The following JAK1 variants were observed in gnomAD, a reference collection of about 807,000 sequenced individuals.
JAK1 encodes tyrosine-protein kinase JAK1.
JAK1 carries 16 observed loss-of-function variants against 136.6 expected under a neutral mutation model. The ratio of observed to expected loss-of-function variants is 0.12; its 90% confidence interval spans 0.08 to 0.18. JAK1 has a LOEUF of 0.18. JAK1 is among the 10% of genes least tolerant of loss of function. JAK1 has a pLI of 1.00. For synonymous variants in JAK1, 492 were observed against 519.5 expected (o/e 0.95, Z 0.72); for missense variants, 859 against 1,450.1 (o/e 0.59, Z 6.62).
chr1:64,940,320 C>CTT (rs34933566), intron 1 of JAK1, among the ~76,000 whole-genome samples: 2,311 of 140,344 alleles, frequency 0.016, 62 homozygotes, highest in African/African-American at 0.051. Context: ...ATTTCAATTT[C>CTT]TTTTTTTTTT....
chr1:64,837,798 C>A, intron 22 of JAK1, 134 bp downstream of exon 22: 1 of 643,334 alleles, frequency 1.6e-6, no homozygotes, highest in Non-Finnish European at 2.5e-6. Flanking sequence ...CAATCAATTC[C>A]AAATGTTCTA....
chr1:64,841,547 G>C lies in JAK1; in HGVS notation c.2458C>G (p.Leu820Val), dbSNP rs1270068749. The change falls in exon 18 of 25, where the codon CTG becomes GTG. Residue 820 changes from leucine to valine, a missense_variant. Physicochemically the swap from Leu to Val is conservative, Grantham distance 32. This residue lies in a region of JAK1 where 409 missense variants were observed against 753.8 expected (regional missense o/e 0.54). Coordinates refer to ENST00000342505, the MANE Select transcript of JAK1 (RefSeq NM_002227.4). ...CRPVTPSCKE[L>V]ADLMTRCMNY... Reference sequence around the variant, plus strand: ...ATGCAGCGGGTCATGAGGTCAGCCAGCTCCTTACATGATGGTGTCACTGGC... The same window carrying C: ...ATGCAGCGGGTCATGAGGTCAGCCACCTCCTTACATGATGGTGTCACTGGC... The C allele has an allele frequency of 6.2e-7, 1 of 1,614,178 alleles. No individual in the cohort carries two copies. The highest frequency in any genetic ancestry group is 8.5e-7 in the Non-Finnish European group (1 of 1,180,026).
chr1:64,969,680 G>A (rs1220713221), upstream of JAK1, among the ~76,000 whole-genome samples: 2 of 152,166 alleles, frequency 1.3e-5, no homozygotes, highest in East Asian at 1.9e-4. Context: ...GACAGTGCTT[G>A]GTGACTGATT....
rs753520529 is a variant in JAK1 at position 64,855,585 on chromosome 1, G to A, written c.1572C>T (p.Ser524=). The change falls in exon 11 of 25, where the codon AGC becomes AGT. Residue 524 remains serine, a synonymous_variant. Coordinates refer to ENST00000342505, the MANE Select transcript of JAK1 (RefSeq NM_002227.4). The part of the protein sequence containing the change: ...RSFPSLGDLM[S]HLKKQILRTD... ...TGCGCAGGATCTGCTTCTTGAGGTG[G>A]CTCATGAGGTCTCCCAAGCTGGGGA... 1.9e-6 allele frequency: 3 copies of A among 1,614,026 alleles called. No homozygotes were observed. The African/African-American group carries it at 4.0e-5, about 22-fold the overall frequency.
intron 1 of JAK1, among the ~76,000 whole-genome samples, chr1:64,953,653 A>G (rs1646131191): frequency 1.3e-5 from 2 of 152,042 alleles, no homozygotes; most frequent in Admixed American, 6.6e-5. Flanking sequence ...AACCTAAAAA[A>G]CAAAAAATTT....
At chr1:65,035,065 T>C (rs1447893963) in intron 2 of JAK1, among the ~76,000 whole-genome samples, 17 of 123,998 alleles carry the variant, frequency 1.4e-4, no homozygotes, top group Non-Finnish European at 2.2e-4. Flanking sequence ...TCAAAATAAA[T>C]AAATAAATAA....
intron 1 of JAK1, among the ~76,000 whole-genome samples, chr1:65,046,715 G>T (rs529707840): frequency 1.6e-3 from 247 of 151,716 alleles, no homozygotes; most frequent in Non-Finnish European, 2.4e-3. Flanking sequence ...TGAAATTCTG[G>T]TTTTTTGTGT....
At chr1:65,017,503 T>C (rs1458173307) in intron 2 of JAK1, among the ~76,000 whole-genome samples, 1 of 151,978 alleles carries the variant, frequency 6.6e-6, no homozygotes, top group East Asian at 1.9e-4. Context: ...ATTAGAGGAT[T>C]CAAACAATAA....
At chr1:64,948,681 C>G (rs1646029255) in intron 1 of JAK1, among the ~76,000 whole-genome samples, 1 of 152,178 alleles carries the variant, frequency 6.6e-6, no homozygotes, top group African/African-American at 2.4e-5. Flanking sequence ...TTAATCATAA[C>G]AGGGGAAAAA....
At chr1:64,866,771 G>A (rs992582072) in intron 7 of JAK1, 95 bp downstream of exon 7, 4 of 867,076 alleles carry the variant, frequency 4.6e-6, no homozygotes, top group Non-Finnish European at 7.4e-6. Context: ...CTATGGGAGT[G>A]ATGGACATGC....
At position 64,900,095 on chromosome 1, in the gene JAK1, T is replaced by G. The variant is rs142069993; in HGVS notation, c.-77-13754A>C. 9.9e-3 allele frequency among the ~76,000 whole-genome samples: 1,507 copies of G among 152,318 alleles called. 11 individuals carry two copies. The highest frequency in any genetic ancestry group is 0.014 in the Non-Finnish European group (925 of 68,022). On this transcript the variant is annotated intron_variant, in intron 1 of 24. Transcript: ENST00000342505. ...ATGAGGGGAGAAAAGTCATTCCCCC[T>G]GGGTTATACAGGAAATTAGGGCTGG... is the stretch of plus-strand genomic sequence containing the variant.
chr1:64,834,424 T>G lies in JAK1; in HGVS notation c.*138A>C. 1 of 619,672 alleles carries G rather than the reference T, an allele frequency of 1.6e-6. No homozygotes were observed. Among genetic ancestry groups the G allele is most frequent in the South Asian group, 2.0e-5 (1 of 50,266 alleles). 38.4% of individuals were successfully genotyped at this position (619,672 alleles called of 1,614,324 possible). ...CTACAGTGTGCCTTATACATGTATA[T>G]GTACTGAAGTATGAGTTCAGTGACT... On this transcript the variant is annotated 3_prime_UTR_variant, in exon 25 of 25. Coordinates refer to ENST00000342505, the MANE Select transcript of JAK1 (RefSeq NM_002227.4).
intron 1 of JAK1, among the ~76,000 whole-genome samples, chr1:64,952,008 C>A (rs762711023): frequency 6.6e-6 from 1 of 152,130 alleles, no homozygotes; most frequent in East Asian, 1.9e-4. Context: ...TGAAACTTGG[C>A]GCACATTTCC....
At chr1:64,839,094 C>CT (rs1557620280) in intron 20 of JAK1, among the ~76,000 whole-genome samples, 1 of 136,448 alleles carries the variant, frequency 7.3e-6, no homozygotes, top group Admixed American at 8.1e-5. Flanking sequence ...TGCAGTGAGC[C>CT]GAGATTGCGC....
intron 2 of JAK1, among the ~76,000 whole-genome samples, chr1:65,030,869 C>A (rs577735448): frequency 1.3e-5 from 2 of 151,714 alleles, no homozygotes; most frequent in African/African-American, 4.8e-5. Flanking sequence ...AAAGAAAAAA[C>A]GGTGGCCAGT....
intron 2 of JAK1, among the ~76,000 whole-genome samples, chr1:65,000,581 A>G (rs1040064253): frequency 6.6e-6 from 1 of 152,188 alleles, no homozygotes; most frequent in Non-Finnish European, 1.5e-5. Flanking sequence ...TTTTTAAGTT[A>G]TTCAATAGGG....
At chr1:64,989,144 G>A (rs1041898830) in intron 2 of JAK1, among the ~76,000 whole-genome samples, 1 of 148,762 alleles carries the variant, frequency 6.7e-6, no homozygotes, top group Non-Finnish European at 1.5e-5. Flanking sequence ...GGCCAACATG[G>A]TCAAACCCCA....
intron 10 of JAK1, among the ~76,000 whole-genome samples, chr1:64,857,055 G>A (rs1361076714): frequency 6.6e-6 from 1 of 152,198 alleles, no homozygotes; most frequent in Non-Finnish European, 1.5e-5. Context: ...GTGAGGCAAA[G>A]TCAGTAATTC....
chr1:64,850,768 A>G, intron 12 of JAK1, 36 bp downstream of exon 12: 1 of 1,408,010 alleles, frequency 7.1e-7, no homozygotes, highest in Non-Finnish European at 1.0e-6. Context: ...GGGAGGCAGG[A>G]CCACAGCTGG....
Sources: gnomAD v4.1 joint callset for allele counts (sites outside exome capture counted in the v4.1 genomes callset) on GRCh38, gnomAD v4.1.1 for gene constraint, gnomAD v4.1.1 regional missense constraint, MANE v1.5 for transcripts, NCBI Gene and HGNC (gene_info 2026-07-23, HGNC 2026-07-21) for gene names.